ADAMTS9: variants seen among roughly 807,000 people sequenced by gnomAD.
ADAMTS9 encodes the protein ADAM metallopeptidase with thrombospondin type 1 motif 9, also known as A disintegrin and metalloproteinase with thrombospondin motifs 9.
In ADAMTS9, 107 loss-of-function variants were observed where a neutral mutation model predicts 257.1. The observed-to-expected ratio is 0.42, with a 90% confidence interval of 0.36 to 0.49. The LOEUF (loss-of-function observed/expected upper bound fraction) is 0.49. ADAMTS9 is among the 20% of genes least tolerant of loss of function. ADAMTS9 has a pLI of 0.03. For synonymous variants in ADAMTS9, 982 were observed against 880.9 expected (o/e 1.11, Z -2.03); for missense variants, 2,353 against 2,469.1 (o/e 0.95, Z 1.00).
At chr3:64,519,589 G>A (rs2082824318) in intron 39 of ADAMTS9, among the ~76,000 whole-genome samples, 1 of 152,236 alleles carries the variant, frequency 6.6e-6, no homozygotes, top group Admixed American at 6.5e-5. Context: ...ATACCAAAAA[G>A]ATAATCTACC....
rs1576169571 is a variant in ADAMTS9, at chr3:64,658,795, T to C, written c.680-4A>G. 1 of 1,609,950 alleles carries C rather than the reference T, an allele frequency of 6.2e-7. No homozygotes were observed. Among genetic ancestry groups the C allele is most frequent in the Non-Finnish European group, 8.5e-7 (1 of 1,178,054 alleles). Reference sequence around the variant, plus strand: ...TTACTGTGCCTATTTTTGTGTTCTGTAACAAATCAGATGGTATGCATTACA... The same window carrying C: ...TTACTGTGCCTATTTTTGTGTTCTGCAACAAATCAGATGGTATGCATTACA... On this transcript the variant is annotated splice_polypyrimidine_tract_variant and splice_region_variant and intron_variant, in intron 3 of 39. Coordinates refer to ENST00000498707, the MANE Select transcript of ADAMTS9 (RefSeq NM_182920.2).
intron 37 of ADAMTS9, among the ~76,000 whole-genome samples, chr3:64,538,656 G>T (rs562498274): frequency 6.6e-6 from 1 of 152,194 alleles, no homozygotes; most frequent in East Asian, 1.9e-4. Flanking sequence ...GCAATATTCA[G>T]ATTCATAAAG....
rs138804063 is a variant in ADAMTS9, at chr3:64,644,115, C to A, written c.1711-2122G>T. Among the ~76,000 whole-genome samples, 923 of 152,288 alleles carry A rather than the reference C, an allele frequency of 6.1e-3. 7 individuals carry two copies. Among genetic ancestry groups the A allele is most frequent in the African/African-American group, 0.016 (648 of 41,568 alleles). ...AGTATACAACTTAGCACATGGGGGACCCCACTTAAATAACAGTGGCAATGA... is the reference window on the plus strand; with the variant it reads ...AGTATACAACTTAGCACATGGGGGAACCCACTTAAATAACAGTGGCAATGA... On this transcript the variant is annotated intron_variant, in intron 11 of 39. Transcript: ENST00000498707.
intron 38 of ADAMTS9, among the ~76,000 whole-genome samples, chr3:64,525,597 G>C (rs2082900215): frequency 6.6e-6 from 1 of 151,904 alleles, no homozygotes; most frequent in African/African-American, 2.4e-5. Flanking sequence ...GAATAAATAA[G>C]TTATAGTATT....
In ADAMTS9 at chr3:64,603,992, G is replaced by A; in HGVS notation, c.3677C>T (p.Pro1226Leu). 1 of 1,614,082 alleles carries A rather than the reference G, an allele frequency of 6.2e-7. No homozygotes were observed. The highest frequency in any genetic ancestry group is 1.3e-5 in the African/African-American group (1 of 75,022). The change falls in exon 25 of 40, where the codon CCT (proline) becomes CTT (leucine). Residue 1226 changes from proline (P) to leucine (L), a missense_variant. By Grantham distance (98) the Pro-to-Leu change is moderately conservative. This residue lies in a region of ADAMTS9 where 1,402 missense variants were observed against 1,441.4 expected (regional missense o/e 0.97). Transcript: ENST00000498707. Reference sequence around the variant, plus strand: ...ACATTCTTCCTTTGCCACTGGTCTAGGCAGGGTAGCACAGGCACTCTCGTC... The same window carrying A: ...ACATTCTTCCTTTGCCACTGGTCTAAGCAGGGTAGCACAGGCACTCTCGTC... ...VADESACATLPRPVAKEECSV... is the reference protein window; with the variant it reads ...VADESACATLLRPVAKEECSV...
At chr3:64,531,595 T>G (rs1373437708) in intron 38 of ADAMTS9, among the ~76,000 whole-genome samples, 3 of 152,062 alleles carry the variant, frequency 2.0e-5, no homozygotes, top group Non-Finnish European at 2.9e-5. Context: ...AACCTCCAAG[T>G]AGCTGGGACT....
At chr3:64,655,757 T>C (rs1559813824) in intron 5 of ADAMTS9, 35 bp downstream of exon 5, 3 of 1,575,016 alleles carry the variant, frequency 1.9e-6, no homozygotes, top group South Asian at 2.3e-5. Context: ...CCATTTCGGA[T>C]ACAGATAGAA....
At chr3:64,610,705 G>A (rs566600831) in intron 22 of ADAMTS9, among the ~76,000 whole-genome samples, 4 of 152,112 alleles carry the variant, frequency 2.6e-5, no homozygotes, top group Admixed American at 1.3e-4. Flanking sequence ...GATGTGGAGA[G>A]AATGGAACCC....
chr3:64,655,529 A>G, intron 6 of ADAMTS9, 47 bp downstream of exon 6: 1 of 1,482,822 alleles, frequency 6.7e-7, no homozygotes. Context: ...ACATCCCATC[A>G]ACTTGACCTG....
Position 64,596,974 on chromosome 3 carries a change from A to C in ADAMTS9, c.4035T>G (p.Ala1345=). The change falls in exon 27 of 40, where the codon GCT becomes GCG. Residue 1345 remains alanine (A), a synonymous_variant. Transcript: ENST00000498707. ...GPWGACSSTC[A]GGSQRRVVVC... is the part of the protein sequence containing the mutation. ...CAACAACACGCCGCTGGGATCCGCC[A>C]GCACAGGTACTGGAACACTAAACAC... The C allele has an allele frequency of 6.2e-7, 1 of 1,612,346 alleles. No homozygotes were observed. Among genetic ancestry groups the C allele is most frequent in the Non-Finnish European group, 8.5e-7 (1 of 1,179,112 alleles).
At chr3:64,542,942 C>A (rs1332714962) in intron 32 of ADAMTS9, among the ~76,000 whole-genome samples, 2 of 151,968 alleles carry the variant, frequency 1.3e-5, no homozygotes, top group Non-Finnish European at 1.5e-5. Context: ...ATATCACCAC[C>A]AATCCCACAG....
In ADAMTS9 at chr3:64,594,436, T is replaced by G; in HGVS notation, c.4180-2A>C. On this transcript the variant is annotated splice_acceptor_variant, in intron 27 of 39. Transcript: ENST00000498707. LOFTEE classifies it high-confidence loss of function. ...GCCTCCACCACACAGCTTAGTGCAC[T>G]GGAAGAAGGAAAAGGAAGGCTGCAG... 1.2e-6 allele frequency: 2 copies of G among 1,607,296 alleles called. No homozygotes were observed. The highest frequency in any genetic ancestry group is 8.5e-7 in the Non-Finnish European group (1 of 1,176,966).
Position 64,622,488 on chromosome 3 carries a change from T to C in ADAMTS9, c.2488A>G (p.Ser830Gly). Reference sequence around the variant, plus strand: ...CTTTCTACGGCAGTCTCGGACCCACTGTACTCTACCACAGCATTCCCAATG... The same window carrying C: ...CTTTCTACGGCAGTCTCGGACCCACCGTACTCTACCACAGCATTCCCAATG... ...IRIGNAVVEYSGSETAVERIN... is the reference protein window; with the variant it reads ...IRIGNAVVEYGGSETAVERIN... Residue 830 changes from serine (S) to glycine (G), a missense_variant, in exon 17 of 40, where the codon AGT becomes GGT. By Grantham distance (56) the Ser-to-Gly change is moderately conservative. Coordinates refer to ENST00000498707, the MANE Select transcript of ADAMTS9 (RefSeq NM_182920.2). The C allele has an allele frequency of 6.2e-7, 1 of 1,614,152 alleles. No individual in the cohort carries two copies.
At chr3:64,635,945 C>CATTCAAATGTG (rs1700484712) in intron 12 of ADAMTS9, among the ~76,000 whole-genome samples, 1 of 152,098 alleles carries the variant, frequency 6.6e-6, no homozygotes, top group South Asian at 2.1e-4. Context: ...AGGAAGACCC[C>CATTCAAATGTG]CTTCAATTTT....
chr3:64,527,357 GGAAGGCA>G (rs1347397986), intron 38 of ADAMTS9, among the ~76,000 whole-genome samples: 2 of 152,028 alleles, frequency 1.3e-5, no homozygotes, highest in African/African-American at 4.8e-5. Flanking sequence ...ATCTATATGA[GGAAGGCA>G]GATTGGCTTC....
intron 3 of ADAMTS9, among the ~76,000 whole-genome samples, chr3:64,672,980 T>C (rs1226272245): frequency 6.6e-6 from 1 of 152,052 alleles, no homozygotes; most frequent in Admixed American, 6.5e-5. Flanking sequence ...TTGCCTACAG[T>C]ATTCAGTACA....
chr3:64,620,236 AT>A (rs1700073589), intron 19 of ADAMTS9, among the ~76,000 whole-genome samples: 1 of 152,040 alleles, frequency 6.6e-6, no homozygotes, highest in African/African-American at 2.4e-5. Context: ...GAACTCCTCT[AT>A]TTTCTCAGAG....
At position 64,596,940 on chromosome 3, in the gene ADAMTS9, C is replaced by T. The variant is rs1364358021; in HGVS notation, c.4069G>A (p.Asp1357Asn). The T allele has an allele frequency of 1.2e-6, 2 of 1,611,694 alleles. No homozygotes were observed. Among genetic ancestry groups the T allele is most frequent in the Admixed American group, 1.7e-5 (1 of 59,876 alleles). Reference protein sequence around the residue: ...GSQRRVVVCQDENGYTANDCV... With the variant: ...GSQRRVVVCQNENGYTANDCV... Reference sequence around the variant, plus strand: ...TCGTTTGCGGTGTATCCATTTTCATCCTGACATACAACAACACGCCGCTGG... The same window carrying T: ...TCGTTTGCGGTGTATCCATTTTCATTCTGACATACAACAACACGCCGCTGG... The change falls in exon 27 of 40, where the codon GAT becomes AAT. Residue 1357 changes from aspartate to asparagine, a missense_variant. By Grantham distance (23) the Asp-to-Asn change is conservative. This residue lies in a region of ADAMTS9 where 1,402 missense variants were observed against 1,441.4 expected (regional missense o/e 0.97). Coordinates refer to ENST00000498707, the MANE Select transcript of ADAMTS9 (RefSeq NM_182920.2).
At chr3:64,602,342 C>T in intron 25 of ADAMTS9, 129 bp from the exon 26 acceptor site, 2 of 978,020 alleles carry the variant, frequency 2.0e-6, no homozygotes, top group Non-Finnish European at 1.5e-6. Flanking sequence ...TTGGAATCAC[C>T]CTTGTCTCCT....
Sources: gnomAD v4.1 joint callset for allele counts (sites outside exome capture counted in the v4.1 genomes callset) on GRCh38, gnomAD v4.1.1 for gene constraint, gnomAD v4.1.1 regional missense constraint, MANE v1.5 for transcripts, NCBI Gene and HGNC (gene_info 2026-07-23, HGNC 2026-07-21) for gene names.